The following CACNB4 variants were observed in gnomAD, a reference collection of about 807,000 sequenced individuals.
CACNB4 encodes the protein calcium voltage-gated channel auxiliary subunit beta 4.
Under a neutral mutation model 71.2 loss-of-function variants are expected in CACNB4, and 32 were observed. That is an observed-to-expected ratio of 0.45 (90% CI 0.34 to 0.60). The LOEUF is 0.60. CACNB4 is among the 20% of genes least tolerant of loss of function. CACNB4 has a pLI of 0.01. For missense variants in CACNB4, 464 were observed against 647.9 expected, an observed-to-expected ratio of 0.72 and a Z score of 3.08; for synonymous variants, 231 against 236.9, an observed-to-expected ratio of 0.97 and a Z score of 0.23.
chr2:151,881,788 A>T (rs2099847928), intron 3 of CACNB4, among the ~76,000 whole-genome samples: 1 of 152,216 alleles, frequency 6.6e-6, no homozygotes. Context: ...CATGTACTGC[A>T]AGAAAAGCCC....
intron 2 of CACNB4, among the ~76,000 whole-genome samples, chr2:152,006,066 G>A (rs948406581): frequency 4.6e-5 from 7 of 152,154 alleles, no homozygotes; most frequent in African/African-American, 1.2e-4. Context: ...TAATCTTCTA[G>A]TGCTATTGAC....
chr2:151,953,247 G>A (rs1411201571), intron 2 of CACNB4, among the ~76,000 whole-genome samples: 2 of 151,890 alleles, frequency 1.3e-5, no homozygotes, highest in African/African-American at 2.4e-5. Context: ...TCCTGCCTAC[G>A]GGATCTGTCC....
intron 2 of CACNB4, among the ~76,000 whole-genome samples, chr2:151,916,155 T>G (rs955449653): frequency 1.3e-5 from 2 of 152,216 alleles, no homozygotes; most frequent in African/African-American, 2.4e-5. Flanking sequence ...GTTTTTTCCA[T>G]GGGAGCCTCC....
At position 152,056,953 on chromosome 2, in the gene CACNB4, C is replaced by T. The variant is rs80061361; in HGVS notation, c.147+41377G>A. On this transcript the variant is annotated intron_variant, in intron 2 of 13. Transcript: ENST00000539935. ...TCCACTGAAAGCTCTGATAGCAAGCCTCTAAGATGGCCCCCAAAGATCTCC... is the reference window on the plus strand; with the variant it reads ...TCCACTGAAAGCTCTGATAGCAAGCTTCTAAGATGGCCCCCAAAGATCTCC... Among the ~76,000 whole-genome samples, 898 of 152,016 alleles carry T rather than the reference C, an allele frequency of 5.9e-3. 14 individuals carry two copies. The highest frequency in any genetic ancestry group is 0.021 in the African/African-American group (862 of 41,398).
intron 2 of CACNB4, among the ~76,000 whole-genome samples, chr2:152,076,960 G>C (rs186879805): frequency 3.9e-5 from 6 of 152,344 alleles, no homozygotes; most frequent in Middle Eastern, 3.4e-3. Flanking sequence ...AAGCAGGGAG[G>C]GGGGCTGGCC....
chr2:152,093,400 G>GGTGTGTGTGTGTGTGTGTGT (rs34845177), intron 2 of CACNB4, among the ~76,000 whole-genome samples: 35 of 146,648 alleles, frequency 2.4e-4, no homozygotes, highest in African/African-American at 7.5e-4. Flanking sequence ...GCTGTTTTTT[G>GGTGTGTGTGTGTGTGTGTGT]GTGTGTGTGT....
Position 152,098,626 on chromosome 2 carries a change from C to T in CACNB4, c.64-213G>A. 1 of 1,559,668 alleles carries T rather than the reference C, an allele frequency of 6.4e-7. No individual in the cohort carries two copies. Among genetic ancestry groups the T allele is most frequent in the African/African-American group, 1.4e-5 (1 of 73,476 alleles). ...CTGAAAAGATGCTCGAGAAGAGCAG[C>T]CCGCAAGCACCCACCACATCCATTA... is the stretch of plus-strand genomic sequence containing the variant. On this transcript the variant is annotated intron_variant, in intron 1 of 13. Coordinates refer to ENST00000539935, the MANE Select transcript of CACNB4 (RefSeq NM_000726.5). The surrounding 1 kb of genome is among the most constrained non-coding windows in gnomAD (Gnocchi z 5.3).
chr2:151,993,032 A>C (rs998302494), intron 2 of CACNB4, among the ~76,000 whole-genome samples: 4 of 152,186 alleles, frequency 2.6e-5, no homozygotes, highest in Non-Finnish European at 5.9e-5. Flanking sequence ...AAAAGGACTG[A>C]AATTGAGTGG....
At chr2:152,009,250 A>C (rs1237979868) in intron 2 of CACNB4, among the ~76,000 whole-genome samples, 1 of 152,148 alleles carries the variant, frequency 6.6e-6, no homozygotes. Context: ...AAGTAGCTCA[A>C]AGCAGATTGA....
chr2:152,077,589 A>G (rs183607963), intron 2 of CACNB4, among the ~76,000 whole-genome samples: 1 of 152,076 alleles, frequency 6.6e-6, no homozygotes, highest in East Asian at 1.9e-4. Flanking sequence ...AATGAGTCAC[A>G]CGTGGTGGTG....
At chr2:151,864,148 C>T (rs760828173) in intron 9 of CACNB4, among the ~76,000 whole-genome samples, 12 of 152,176 alleles carry the variant, frequency 7.9e-5, no homozygotes, top group Admixed American at 2.6e-4. Flanking sequence ...TTTCAGCATT[C>T]CCATGTACCT....
At chr2:151,995,142 G>T (rs1681969023) in intron 2 of CACNB4, among the ~76,000 whole-genome samples, 1 of 152,088 alleles carries the variant, frequency 6.6e-6, no homozygotes, top group African/African-American at 2.4e-5. Flanking sequence ...TGCCAAAAAG[G>T]TTGCAAGCAT....
At chr2:152,088,539 C>G (rs1245055747) in intron 2 of CACNB4, among the ~76,000 whole-genome samples, 1 of 152,194 alleles carries the variant, frequency 6.6e-6, no homozygotes, top group African/African-American at 2.4e-5. Context: ...AAAATATTTA[C>G]TCCCAAAACA....
chr2:151,878,259 T>C (rs1420347684), intron 4 of CACNB4, among the ~76,000 whole-genome samples: 1 of 152,100 alleles, frequency 6.6e-6, no homozygotes, highest in Admixed American at 6.6e-5. Context: ...AAGGTTTCAT[T>C]GAATAATCAC....
At chr2:152,090,596 T>G (rs1480211341) in intron 2 of CACNB4, among the ~76,000 whole-genome samples, 1 of 147,984 alleles carries the variant, frequency 6.8e-6, no homozygotes. Flanking sequence ...TGAGCCAAGA[T>G]CGCGCCACTG....
At chr2:152,090,716 A>C (rs1032009438) in intron 2 of CACNB4, among the ~76,000 whole-genome samples, 2 of 152,084 alleles carry the variant, frequency 1.3e-5, no homozygotes, top group African/African-American at 4.8e-5. Context: ...AAATTGTACC[A>C]TTCTAAAACT....
chr2:152,069,906 G>C (rs556033080), intron 2 of CACNB4, among the ~76,000 whole-genome samples: 4 of 139,986 alleles, frequency 2.9e-5, no homozygotes, highest in African/African-American at 5.4e-5. Context: ...GCAGTGGCAC[G>C]ATCTCGGCTC....
chr2:151,840,778 CAATT>C (rs2099836003), intron 13 of CACNB4, among the ~76,000 whole-genome samples: 1 of 152,170 alleles, frequency 6.6e-6, no homozygotes, highest in Non-Finnish European at 1.5e-5. Context: ...GTATGATCGA[CAATT>C]AAGACTATCA....
chr2:151,921,490 G>T (rs891758931), intron 2 of CACNB4, among the ~76,000 whole-genome samples: 2 of 152,142 alleles, frequency 1.3e-5, no homozygotes, highest in East Asian at 3.9e-4. Context: ...TTGTAGTTCT[G>T]GATGTCAGAA....
Sources: allele counts gnomAD v4.1 joint callset (sites outside exome capture counted in the v4.1 genomes callset), GRCh38; gene constraint gnomAD v4.1.1; non-coding constraint Gnocchi (gnomAD v3.1); transcripts MANE v1.5; gene names NCBI Gene and HGNC (gene_info 2026-07-23, HGNC 2026-07-21).